THOC7: variants seen among roughly 807,000 people sequenced by gnomAD.
The protein encoded by THOC7 is THO complex subunit 7.
Under a neutral mutation model 33.1 loss-of-function variants are expected in THOC7, and 22 were observed. That is an observed-to-expected ratio of 0.66 (90% CI 0.47 to 0.95). The LOEUF (loss-of-function observed/expected upper bound fraction) is 0.95. Among genes scored for constraint, THOC7 ranks in the 40% least tolerant of loss-of-function variants. The pLI is 0.00. For missense variants in THOC7, 184 were observed against 245.3 expected, an observed-to-expected ratio of 0.75 and a Z score of 1.67; for synonymous variants, 77 against 76.8, an observed-to-expected ratio of 1.00 and a Z score of -0.01.
Position 63,863,762 on chromosome 3 carries a change from G to A in THOC7, c.19+10C>T, listed in dbSNP as rs922614928. 2.0e-5 allele frequency: 25 copies of A among 1,250,662 alleles called. No homozygotes were observed. In the African/African-American group the frequency reaches 3.4e-4, roughly 17 times the overall value. 77.5% of individuals were successfully genotyped at this position (1,250,662 alleles called of 1,614,324 possible). A position where few individuals can be genotyped will look rare whatever the true frequency, so the allele number is the denominator to read the frequency against. ...GCAGCGGGCGCGTGTGGCGGCGAGC[G>A]GGGCCTCACCGTCAGTCACGGCTCC... On this transcript the variant is annotated intron_variant, in intron 1 of 7. Coordinates refer to ENST00000295899, the MANE Select transcript of THOC7 (RefSeq NM_025075.4).
At chr3:63,858,666 A>G (rs758537647) in intron 1 of THOC7, among the ~76,000 whole-genome samples, 3 of 152,198 alleles carry the variant, frequency 2.0e-5, no homozygotes, top group Non-Finnish European at 4.4e-5. Flanking sequence ...ATTAACACAT[A>G]CAAAATACAG....
chr3:63,850,126 T>C (rs572742281), intron 1 of THOC7, among the ~76,000 whole-genome samples: 53 of 152,310 alleles, frequency 3.5e-4, no homozygotes, highest in Non-Finnish European at 7.1e-4. Flanking sequence ...TGCCTACTTC[T>C]TTCCCTTGAC....
chr3:63,851,649 AC>A, intron 1 of THOC7, among the ~76,000 whole-genome samples: 1 of 152,134 alleles, frequency 6.6e-6, no homozygotes. Context: ...GGCTGAAATA[AC>A]CTCATGTTAA....
chr3:63,841,383 T>C (rs1029370689), intron 1 of THOC7, among the ~76,000 whole-genome samples: 8 of 152,310 alleles, frequency 5.3e-5, no homozygotes, highest in East Asian at 1.9e-4. Context: ...TTCTGTTTTG[T>C]TTTTTATAGT....
chr3:63,835,418 T>G (rs1168809728), intron 5 of THOC7, 28 bp from the exon 6 acceptor site: 1 of 1,606,290 alleles, frequency 6.2e-7, no homozygotes. Context: ...GTGTTACATT[T>G]TGCTGAATGG....
intron 4 of THOC7, 87 bp downstream of exon 4, chr3:63,837,889 C>A: frequency 8.4e-7 from 1 of 1,187,280 alleles, no homozygotes; most frequent in Non-Finnish European, 1.2e-6. Flanking sequence ...ATTCAGGCTG[C>A]AGATTTTACC....
intron 1 of THOC7, among the ~76,000 whole-genome samples, chr3:63,849,679 G>A (rs1209900069): frequency 2.0e-5 from 3 of 152,128 alleles, no homozygotes; most frequent in Non-Finnish European, 4.4e-5. Flanking sequence ...TAGAAATGAG[G>A]GTGAATGTAG....
At chr3:63,858,258 C>G (rs558672357) in intron 1 of THOC7, among the ~76,000 whole-genome samples, 6 of 152,284 alleles carry the variant, frequency 3.9e-5, no homozygotes, top group African/African-American at 1.4e-4. Flanking sequence ...ATCCTTGAAA[C>G]AACTCTACAA....
At chr3:63,839,534 TAA>T in intron 2 of THOC7, 120 bp downstream of exon 2, 1 of 817,090 alleles carries the variant, frequency 1.2e-6, no homozygotes. Context: ...CTTGGTTAAT[TAA>T]GAGTTGACTC....
chr3:63,863,902 G>A, upstream of THOC7: 4 of 1,102,224 alleles, frequency 3.6e-6, no homozygotes, highest in Non-Finnish European at 4.4e-6. Flanking sequence ...GGAGGAGGAG[G>A]CGGCGGCGCC....
chr3:63,859,153 C>A (rs1479518256), intron 1 of THOC7, among the ~76,000 whole-genome samples: 1 of 152,192 alleles, frequency 6.6e-6, no homozygotes, highest in African/African-American at 2.4e-5. Context: ...TAATCCAAGC[C>A]CACATTTCTC....
chr3:63,860,732 T>G (rs188944995), intron 1 of THOC7: 2 of 152,216 alleles, frequency 1.3e-5, no homozygotes, highest in Non-Finnish European at 2.9e-5. Context: ...CTCAATGTTC[T>G]TTTTGTCTTG....
chr3:63,835,755 G>A (rs545304229), intron 5 of THOC7, among the ~76,000 whole-genome samples: 4 of 151,924 alleles, frequency 2.6e-5, no homozygotes, highest in Non-Finnish European at 4.4e-5. Flanking sequence ...TGAATCTTAC[G>A]CCTAGTCCTC....
intron 1 of THOC7, among the ~76,000 whole-genome samples, chr3:63,852,953 C>T (rs946045025): frequency 6.6e-6 from 1 of 152,002 alleles, no homozygotes; most frequent in African/African-American, 2.4e-5. Flanking sequence ...GAGTTTGAGA[C>T]CAGGCTGGCC....
intron 1 of THOC7, chr3:63,863,499 C>T: frequency 8.5e-7 from 1 of 1,181,888 alleles, no homozygotes; most frequent in Non-Finnish European, 1.0e-6. Flanking sequence ...ACGCTCCCGG[C>T]ACACCCTATA....
At chr3:63,836,534 A>G (rs147147917) in intron 4 of THOC7, among the ~76,000 whole-genome samples, 176 bp from the exon 5 acceptor site, 1 of 152,032 alleles carries the variant, frequency 6.6e-6, no homozygotes, top group East Asian at 1.9e-4. Context: ...ATAACGATAC[A>G]TAACATCAAA....
chr3:63,849,431 G>T (rs2107149258), intron 1 of THOC7, among the ~76,000 whole-genome samples: 1 of 152,204 alleles, frequency 6.6e-6, no homozygotes, highest in East Asian at 1.9e-4. Flanking sequence ...CAGCTTTATA[G>T]TGAATGAGTA....
At chr3:63,863,748 G>C (rs1461303973) in intron 1 of THOC7, 24 bp downstream of exon 1, 4 of 1,250,382 alleles carry the variant, frequency 3.2e-6, no homozygotes, top group South Asian at 3.7e-5. Flanking sequence ...CAGCGGGCGC[G>C]TGTGGCGGCG....
At chr3:63,845,064 T>C (rs745497863) in intron 1 of THOC7, 18 of 699,526 alleles carry the variant, frequency 2.6e-5, no homozygotes, top group Admixed American at 2.0e-4. Flanking sequence ...CTGAGACTCC[T>C]TGAGGAACAC....
Sources: allele counts gnomAD v4.1 joint callset (sites outside exome capture counted in the v4.1 genomes callset), GRCh38; gene constraint gnomAD v4.1.1; transcripts MANE v1.5; gene names NCBI Gene and HGNC (gene_info 2026-07-23, HGNC 2026-07-21).